CTNND2: variants seen among roughly 807,000 people sequenced by gnomAD.
The protein encoded by CTNND2 is catenin delta 2.
In CTNND2, 22 loss-of-function variants were observed where a neutral mutation model predicts 144.4. The ratio of observed to expected loss-of-function variants is 0.15; its 90% CI spans 0.11 to 0.22. CTNND2 has a LOEUF of 0.22. Among genes scored for constraint, CTNND2 ranks in the 10% least tolerant of loss-of-function variants. The pLI is 1.00. For synonymous variants in CTNND2, 751 were observed against 695.6 expected, an observed-to-expected ratio of 1.08 and a Z score of -1.25; for missense variants, 1,353 against 1,618.8, an observed-to-expected ratio of 0.84 and a Z score of 2.82.
At chr5:11,238,638 A>G (rs1741888330) in intron 9 of CTNND2, among the ~76,000 whole-genome samples, 1 of 152,212 alleles carries the variant, frequency 6.6e-6, no homozygotes, top group African/African-American at 2.4e-5. Context: ...CATTCTATTT[A>G]ATGTGCACTG....
chr5:11,850,124 C>T (rs969497731), intron 1 of CTNND2, among the ~76,000 whole-genome samples: 1 of 151,690 alleles, frequency 6.6e-6, no homozygotes, highest in African/African-American at 2.4e-5. Flanking sequence ...AAAAGTACAC[C>T]CAGAGGCTGA....
chr5:11,194,894 C>T (rs1361492804), intron 11 of CTNND2, among the ~76,000 whole-genome samples: 2 of 151,834 alleles, frequency 1.3e-5, no homozygotes, highest in Non-Finnish European at 2.9e-5. Context: ...TCTCTTGGGC[C>T]CCTGGTAGTG....
chr5:11,369,296 T>C (rs531153117), intron 7 of CTNND2, among the ~76,000 whole-genome samples: 2 of 152,296 alleles, frequency 1.3e-5, no homozygotes, highest in Admixed American at 1.3e-4. Flanking sequence ...ATCTCCAAAT[T>C]GAAAATAACA....
intron 16 of CTNND2, among the ~76,000 whole-genome samples, chr5:11,077,060 T>G (rs1017800352): frequency 6.6e-6 from 1 of 152,208 alleles, no homozygotes; most frequent in Non-Finnish European, 1.5e-5. Flanking sequence ...ATTTCCTTAA[T>G]GTTTTGCTGA....
rs114892107 is a variant in CTNND2 at position 11,048,685 on chromosome 5, T to C, written c.2789-25706A>G. Among the ~76,000 whole-genome samples the C allele has an allele frequency of 3.9e-3, 591 of 152,358 alleles. 4 individuals carry two copies. Among genetic ancestry groups the C allele is most frequent in the African/African-American group, 0.012 (496 of 41,582 alleles). On this transcript the variant is annotated intron_variant, in intron 16 of 21. Transcript: ENST00000304623. The stretch of plus-strand genomic sequence containing the variant: ...TTTGTAGAGGGTCACAGCAGTGCTA[T>C]ATCCAGCTAGTGTCATTTGGCTGGA...
chr5:11,226,817 T>C (rs887552130), intron 10 of CTNND2, among the ~76,000 whole-genome samples: 1 of 152,182 alleles, frequency 6.6e-6, no homozygotes, highest in African/African-American at 2.4e-5. Context: ...CCCCTACTCA[T>C]GGGGGTCTAT....
chr5:11,673,995 C>T (rs141251349), intron 2 of CTNND2, among the ~76,000 whole-genome samples: 236 of 152,104 alleles, frequency 1.6e-3, no homozygotes, highest in African/African-American at 5.6e-3. Context: ...AATATGAAGC[C>T]GAATTTATTC....
chr5:11,340,714 C>T (rs1754172625), intron 9 of CTNND2, among the ~76,000 whole-genome samples: 1 of 152,120 alleles, frequency 6.6e-6, no homozygotes, highest in East Asian at 1.9e-4. Context: ...AAAGACTTGG[C>T]ATTTTGTTTG....
intron 8 of CTNND2, among the ~76,000 whole-genome samples, chr5:11,350,998 T>C (rs1483986348): frequency 6.6e-6 from 1 of 152,154 alleles, no homozygotes; most frequent in Non-Finnish European, 1.5e-5. Context: ...TTGAGTAAAA[T>C]GACATAAAGA....
intron 7 of CTNND2, among the ~76,000 whole-genome samples, chr5:11,376,518 G>C (rs534817338): frequency 3.9e-5 from 6 of 152,222 alleles, no homozygotes; most frequent in African/African-American, 1.4e-4. Context: ...ACAGTGTCAA[G>C]GGCAGTATTT....
At chr5:11,484,711 T>C (rs1488769331) in intron 3 of CTNND2, among the ~76,000 whole-genome samples, 1 of 152,238 alleles carries the variant, frequency 6.6e-6, no homozygotes, top group Non-Finnish European at 1.5e-5. Context: ...AGTTTCCATA[T>C]GCATCATATG....
chr5:11,175,731 A>G (rs1335902885), intron 11 of CTNND2, among the ~76,000 whole-genome samples: 4 of 152,080 alleles, frequency 2.6e-5, no homozygotes, highest in African/African-American at 9.7e-5. Flanking sequence ...GATGCTTCTT[A>G]ATAGTCTCTC....
chr5:11,590,423 T>C (rs1051229111), intron 2 of CTNND2, among the ~76,000 whole-genome samples: 1 of 152,282 alleles, frequency 6.6e-6, no homozygotes, highest in Middle Eastern at 3.4e-3. Flanking sequence ...AGGGTAGTCC[T>C]TATTCCATAC....
At chr5:11,118,993 T>C (rs1753824040) in intron 12 of CTNND2, among the ~76,000 whole-genome samples, 1 of 152,092 alleles carries the variant, frequency 6.6e-6, no homozygotes, top group Non-Finnish European at 1.5e-5. Context: ...TCTTTGAACC[T>C]CCTTTACTGA....
chr5:11,020,813 T>G (rs1742170224), intron 17 of CTNND2, among the ~76,000 whole-genome samples: 1 of 150,768 alleles, frequency 6.6e-6, no homozygotes, highest in African/African-American at 2.5e-5. Flanking sequence ...GGAAGATGCT[T>G]GATTCAATCC....
At chr5:11,577,574 G>A (rs532172283) in intron 2 of CTNND2, among the ~76,000 whole-genome samples, 1 of 152,174 alleles carries the variant, frequency 6.6e-6, no homozygotes, top group African/African-American at 2.4e-5. Context: ...AAGAACAGCA[G>A]GGATTTAAGC....
At chr5:11,382,503 C>T (rs928635107) in intron 7 of CTNND2, among the ~76,000 whole-genome samples, 16 of 151,682 alleles carry the variant, frequency 1.1e-4, no homozygotes, top group African/African-American at 3.2e-4. Context: ...GAGGCTGAGG[C>T]GGGAGAATCA....
intron 7 of CTNND2, among the ~76,000 whole-genome samples, chr5:11,371,933 T>C (rs965640064): frequency 7.2e-5 from 11 of 152,190 alleles, no homozygotes; most frequent in African/African-American, 2.7e-4. Context: ...ATTATAAATC[T>C]ATTTTTGGAA....
intron 9 of CTNND2, among the ~76,000 whole-genome samples, chr5:11,277,054 C>G (rs1746612683): frequency 6.6e-6 from 1 of 152,174 alleles, no homozygotes; most frequent in African/African-American, 2.4e-5. Context: ...GGAAACTAAT[C>G]CACTATATTT....
Sources: allele counts gnomAD v4.1 joint callset (sites outside exome capture counted in the v4.1 genomes callset), GRCh38; gene constraint gnomAD v4.1.1; transcripts MANE v1.5; gene names NCBI Gene and HGNC (gene_info 2026-07-23, HGNC 2026-07-21).